C1orf87: variants seen among roughly 807,000 people sequenced by gnomAD.
C1orf87 encodes uncharacterized protein C1orf87.
C1orf87 carries 58 observed loss-of-function variants against 60.5 expected under a neutral mutation model. The observed-to-expected ratio is 0.96, with a 90% CI of 0.78 to 1.19. C1orf87 has a LOEUF of 1.19. Ranked by LOEUF, C1orf87 falls within the 50% of genes most tolerant of loss-of-function variation. C1orf87 has a pLI of 0.00. For missense variants in C1orf87, 673 were observed against 638.6 expected (o/e 1.05, Z -0.58); for synonymous variants, 236 against 227.4 (o/e 1.04, Z -0.34).
intron 8 of C1orf87, among the ~76,000 whole-genome samples, chr1:60,016,231 C>T (rs1645123302): frequency 6.6e-6 from 1 of 152,190 alleles, no homozygotes; most frequent in African/African-American, 2.4e-5. Context: ...TTAGTTTACT[C>T]ATCTGTGAAG....
Position 60,038,038 on chromosome 1 carries a change from C to T in C1orf87, c.817G>A (p.Ala273Thr), listed in dbSNP as rs1444346446. The T allele has an allele frequency of 6.2e-7, 1 of 1,610,734 alleles. No individual in the cohort carries two copies. Among genetic ancestry groups the T allele is most frequent in the South Asian group, 1.1e-5 (1 of 90,684 alleles). ...ASDYPQQNKA[A>T]ADLRKTESHG... is the part of the protein sequence containing the mutation. Reference sequence around the variant, plus strand: ...CTCTCAGTTTTTCTCAGGTCTGCAGCTGCTTTATTTTGCTGTGGATAATCT... The same window carrying T: ...CTCTCAGTTTTTCTCAGGTCTGCAGTTGCTTTATTTTGCTGTGGATAATCT... Residue 273 changes from alanine (A) to threonine (T), a missense_variant, in exon 6 of 12, where the codon GCT becomes ACT. By Grantham distance (58) the Ala-to-Thr change is moderately conservative. Coordinates refer to ENST00000371201, the MANE Select transcript of C1orf87 (RefSeq NM_152377.3).
chr1:59,996,184 G>T (rs1333680622), intron 11 of C1orf87, among the ~76,000 whole-genome samples: 1 of 152,084 alleles, frequency 6.6e-6, no homozygotes, highest in Non-Finnish European at 1.5e-5. Context: ...CACACAAAGA[G>T]AATGAAAAGA....
chr1:60,064,637 T>TAC (rs375608428), intron 2 of C1orf87, among the ~76,000 whole-genome samples: 21 of 113,028 alleles, frequency 1.9e-4, no homozygotes, highest in Admixed American at 1.3e-4. Context: ...TATAAATATA[T>TAC]ATGATATATT....
rs191001136 is a variant in C1orf87, at chr1:60,012,975, T to C, written c.1128-2519A>G. Reference sequence around the variant, plus strand: ...GACATTTATTTTTGCAGAAGTCTGATGTCAGTCTGATTTTTGGTCATTTGT... The same window carrying C: ...GACATTTATTTTTGCAGAAGTCTGACGTCAGTCTGATTTTTGGTCATTTGT... On this transcript the variant is annotated intron_variant, in intron 8 of 11. Transcript: ENST00000371201. Among the ~76,000 whole-genome samples the C allele has an allele frequency of 1.6e-4, 25 of 152,316 alleles. No homozygotes were observed. In the East Asian group the frequency reaches 4.6e-3, roughly 28 times the overall value.
chr1:60,052,451 T>G (rs1645421419), intron 3 of C1orf87, among the ~76,000 whole-genome samples: 1 of 152,210 alleles, frequency 6.6e-6, no homozygotes, highest in African/African-American at 2.4e-5. Context: ...ATTTAAGCTC[T>G]CTGGTCCTCT....
At position 60,063,129 on chromosome 1, in the gene C1orf87, A is replaced by G. The variant is rs1645508139; in HGVS notation, c.108-7691T>C. Reference sequence around the variant, plus strand: ...TGAACTTGTAAAAATGAAGATAAGTATCTTCTGTGATGTTATTGTTCAGTT... The same window carrying G: ...TGAACTTGTAAAAATGAAGATAAGTGTCTTCTGTGATGTTATTGTTCAGTT... On this transcript the variant is annotated intron_variant, in intron 2 of 11. Transcript: ENST00000371201. Among the ~76,000 whole-genome samples the G allele has an allele frequency of 2.6e-5, 4 of 152,208 alleles. No homozygotes were observed. In the South Asian group the frequency reaches 8.3e-4, roughly 32 times the overall value.
chr1:59,999,232 C>T (rs932855112), intron 10 of C1orf87, among the ~76,000 whole-genome samples: 1 of 152,102 alleles, frequency 6.6e-6, no homozygotes, highest in African/African-American at 2.4e-5. Flanking sequence ...TCATGGAATG[C>T]TATATGAAAT....
chr1:60,068,966 C>T (rs1645566655), intron 2 of C1orf87, among the ~76,000 whole-genome samples: 2 of 152,092 alleles, frequency 1.3e-5, no homozygotes, highest in South Asian at 4.1e-4. Flanking sequence ...TATTATCTTT[C>T]TAGATTTTTA....
chr1:60,006,399 G>C (rs919022224), intron 9 of C1orf87, among the ~76,000 whole-genome samples: 6 of 152,092 alleles, frequency 3.9e-5, no homozygotes, highest in Non-Finnish European at 8.8e-5. Context: ...TTCAACAGAA[G>C]TAGTTCTAAT....
intron 8 of C1orf87, among the ~76,000 whole-genome samples, chr1:60,020,079 T>C (rs895469075): frequency 6.6e-6 from 1 of 152,288 alleles, no homozygotes; most frequent in African/African-American, 2.4e-5. Context: ...GCTAAGACAA[T>C]GGGGAAAATG....
chr1:60,058,127 G>A (rs1342890875), intron 2 of C1orf87, among the ~76,000 whole-genome samples: 2 of 152,154 alleles, frequency 1.3e-5, no homozygotes, highest in Non-Finnish European at 2.9e-5. Flanking sequence ...ATTTCATTTG[G>A]TTGTCCAAAA....
chr1:60,048,193 C>T (rs940171472), intron 3 of C1orf87, among the ~76,000 whole-genome samples: 1 of 152,150 alleles, frequency 6.6e-6, no homozygotes, highest in Admixed American at 6.5e-5. Context: ...TCTCGGATCA[C>T]TCATTTTGTG....
chr1:60,042,226 T>C (rs1645330554), intron 3 of C1orf87, among the ~76,000 whole-genome samples: 1 of 152,178 alleles, frequency 6.6e-6, no homozygotes, highest in African/African-American at 2.4e-5. Context: ...GGTTATTTTA[T>C]TTATTTTATT....
At chr1:60,035,754 C>T (rs1645271346) in intron 6 of C1orf87, among the ~76,000 whole-genome samples, 1 of 152,162 alleles carries the variant, frequency 6.6e-6, no homozygotes, top group Non-Finnish European at 1.5e-5. Context: ...CAATTACATT[C>T]AACAAATATT....
In C1orf87 at chr1:60,065,082, T is replaced by C. The variant is rs1217829289; in HGVS notation, c.107+7455A>G. Among the ~76,000 whole-genome samples, 3 of 125,508 alleles carry C rather than the reference T, an allele frequency of 2.4e-5. No homozygotes were observed. The Admixed American group carries it at 2.9e-4, about 12-fold the overall frequency. The allele number at this position is 125,508 out of a possible 152,430, so 82.3% of individuals were successfully genotyped here. ...ATATATTATTTATATATATCTTATT[T>C]GTTCTGCCCCCTAGAGAACCCTGAC... On this transcript the variant is annotated intron_variant, in intron 2 of 11. Coordinates refer to ENST00000371201, the MANE Select transcript of C1orf87 (RefSeq NM_152377.3).
chr1:60,030,611 A>C (rs989923952), intron 7 of C1orf87, among the ~76,000 whole-genome samples: 1 of 152,258 alleles, frequency 6.6e-6, no homozygotes, highest in African/African-American at 2.4e-5. Flanking sequence ...TATGAAGCAG[A>C]AAGAGGATGA....
At chr1:60,047,586 T>G (rs1403483236) in intron 3 of C1orf87, among the ~76,000 whole-genome samples, 4 of 152,164 alleles carry the variant, frequency 2.6e-5, no homozygotes, top group Non-Finnish European at 5.9e-5. Context: ...GTTTCTAAAT[T>G]TTTCCAATGG....
chr1:60,071,653 T>A (rs1254627773), intron 2 of C1orf87, among the ~76,000 whole-genome samples: 1 of 152,204 alleles, frequency 6.6e-6, no homozygotes. Flanking sequence ...TGACCTACAT[T>A]CAGAGATTTT....
chr1:60,004,485 T>A (rs1442085079), intron 9 of C1orf87, among the ~76,000 whole-genome samples: 3 of 152,014 alleles, frequency 2.0e-5, no homozygotes, highest in Non-Finnish European at 4.4e-5. Context: ...AAAAATAAGA[T>A]CTAGAACATA....
Sources: gnomAD v4.1 joint callset for allele counts (sites outside exome capture counted in the v4.1 genomes callset) on GRCh38, gnomAD v4.1.1 for gene constraint, MANE v1.5 for transcripts, NCBI Gene and HGNC (gene_info 2026-07-23, HGNC 2026-07-21) for gene names.